The following ACMSD variants were observed in gnomAD, a reference collection of about 807,000 sequenced individuals.
ACMSD encodes the protein 2-amino-3-carboxymuconate-6-semialdehyde decarboxylase.
Under a neutral mutation model 45.9 loss-of-function variants are expected in ACMSD, and 37 were observed. The observed-to-expected ratio is 0.81, with a 90% CI of 0.62 to 1.06. The LOEUF is 1.06. Ranked by LOEUF, ACMSD falls within the 50% of genes least tolerant of loss-of-function variation. ACMSD has a pLI of 0.00. For synonymous variants in ACMSD, 138 were observed against 148.8 expected, an observed-to-expected ratio of 0.93 and a Z score of 0.53; for missense variants, 434 against 420.9, an observed-to-expected ratio of 1.03 and a Z score of -0.27.
At chr2:134,898,722 GA>G (rs1364858590) in intron 9 of ACMSD, among the ~76,000 whole-genome samples, 1 of 152,016 alleles carries the variant, frequency 6.6e-6, no homozygotes, top group African/African-American at 2.4e-5. Context: ...TAGATCATAG[GA>G]AAAATGTCTA....
intron 4 of ACMSD, 199 bp from the exon 5 acceptor site, chr2:134,863,196 C>A: frequency 2.0e-6 from 1 of 500,550 alleles, no homozygotes; most frequent in Non-Finnish European, 2.6e-6. Flanking sequence ...AATATACCTG[C>A]AGTTTTCTTT....
At chr2:134,854,936 T>C (rs1382755276) in intron 2 of ACMSD, among the ~76,000 whole-genome samples, 3 of 152,206 alleles carry the variant, frequency 2.0e-5, no homozygotes, top group Admixed American at 2.0e-4. Flanking sequence ...CTGTGCTCTT[T>C]GGCACTCTGC....
chr2:134,865,389 A>G (rs1688051240), intron 5 of ACMSD, among the ~76,000 whole-genome samples: 1 of 152,210 alleles, frequency 6.6e-6, no homozygotes. Flanking sequence ...TCATTTTAGC[A>G]TTCATTGGAT....
intron 8 of ACMSD, among the ~76,000 whole-genome samples, chr2:134,876,767 G>A (rs115736162): frequency 0.019 from 2,845 of 152,160 alleles, 92 homozygotes; most frequent in African/African-American, 0.065. Context: ...CTTACATACT[G>A]TACATCATTA....
chr2:134,850,656 A>G (rs936983844), intron 2 of ACMSD, among the ~76,000 whole-genome samples: 1 of 113,390 alleles, frequency 8.8e-6, no homozygotes, highest in African/African-American at 3.5e-5. Context: ...TTTTAAGAAT[A>G]ATTTATTATT....
intron 8 of ACMSD, among the ~76,000 whole-genome samples, chr2:134,880,891 C>T (rs6430554): frequency 0.58 from 88,953 of 152,098 alleles, 27,720 homozygotes; most frequent in Middle Eastern, 0.91. Context: ...ACATTTTAAA[C>T]AGTTAATTTT....
intron 5 of ACMSD, among the ~76,000 whole-genome samples, chr2:134,866,756 C>G (rs1688117940): frequency 2.0e-5 from 3 of 152,192 alleles, no homozygotes; most frequent in Admixed American, 6.5e-5. Flanking sequence ...ATATTCAATG[C>G]CTGTTGAGGA....
chr2:134,843,235 G>A (rs1447669851), intron 1 of ACMSD, among the ~76,000 whole-genome samples: 1 of 152,136 alleles, frequency 6.6e-6, no homozygotes, highest in East Asian at 1.9e-4. Flanking sequence ...GGGGTTGAGG[G>A]CACAAGCAAA....
At chr2:134,893,711 G>A (rs1224580041) in intron 8 of ACMSD, among the ~76,000 whole-genome samples, 3 of 152,146 alleles carry the variant, frequency 2.0e-5, no homozygotes, top group Non-Finnish European at 2.9e-5. Flanking sequence ...AAAAAATACT[G>A]TAACCCTGTA....
chr2:134,874,441 A>G (rs1688628482), intron 8 of ACMSD, among the ~76,000 whole-genome samples: 1 of 152,188 alleles, frequency 6.6e-6, no homozygotes, highest in Non-Finnish European at 1.5e-5. Context: ...CGCTTTTAAA[A>G]ACAATCCCCA....
intron 2 of ACMSD, among the ~76,000 whole-genome samples, chr2:134,848,259 T>C (rs1414680918): frequency 2.0e-5 from 3 of 152,232 alleles, no homozygotes; most frequent in Admixed American, 6.5e-5. Flanking sequence ...TGTGTCTTTA[T>C]AGTAGAATGA....
At chr2:134,874,167 G>A (rs1387312141) in intron 8 of ACMSD, among the ~76,000 whole-genome samples, 1 of 152,192 alleles carries the variant, frequency 6.6e-6, no homozygotes, top group African/African-American at 2.4e-5. Context: ...ACTAGTTGGT[G>A]AGCACGTGTG....
At chr2:134,881,984 G>A (rs1689065045) in intron 8 of ACMSD, among the ~76,000 whole-genome samples, 1 of 152,182 alleles carries the variant, frequency 6.6e-6, no homozygotes, top group Non-Finnish European at 1.5e-5. Flanking sequence ...CAGGCGTGGT[G>A]ACGGGCACCT....
At chr2:134,856,174 T>C (rs1167238721) in intron 2 of ACMSD, among the ~76,000 whole-genome samples, 6 of 152,248 alleles carry the variant, frequency 3.9e-5, no homozygotes, top group African/African-American at 1.4e-4. Context: ...TAAGTCACAT[T>C]AATTTTTTAA....
At chr2:134,890,510 C>A (rs1573717799) in intron 8 of ACMSD, among the ~76,000 whole-genome samples, 1 of 152,010 alleles carries the variant, frequency 6.6e-6, no homozygotes, top group East Asian at 1.9e-4. Flanking sequence ...AGCTATAAAT[C>A]ACATTATGGG....
intron 1 of ACMSD, among the ~76,000 whole-genome samples, chr2:134,839,866 G>A (rs549046354): frequency 6.6e-6 from 1 of 152,206 alleles, no homozygotes; most frequent in Non-Finnish European, 1.5e-5. Flanking sequence ...CCTCATCATA[G>A]TTTACTGAAG....
intron 8 of ACMSD, among the ~76,000 whole-genome samples, chr2:134,885,727 C>G (rs185304645): frequency 1.1e-3 from 174 of 151,930 alleles, no homozygotes; most frequent in African/African-American, 4.1e-3. Flanking sequence ...AAAATAATAT[C>G]CAGTTAAGGA....
At position 134,859,326 on chromosome 2, in the gene ACMSD, A is replaced by T. The variant is rs555448669; in HGVS notation, c.168A>T (p.Pro56=). Residue 56 remains proline, a synonymous_variant, in exon 3 of 10, where the codon CCA becomes CCT. Coordinates refer to ENST00000356140, the MANE Select transcript of ACMSD (RefSeq NM_138326.3). ...FRVVRENCWD[P]EVRIREMDQK... Reference sequence around the variant, plus strand: ...TGGTGCGAGAGAATTGCTGGGATCCAGAAGTTCGTATTAGAGAAATGGACC... The same window carrying T: ...TGGTGCGAGAGAATTGCTGGGATCCTGAAGTTCGTATTAGAGAAATGGACC... 1.1e-4 allele frequency: 184 copies of T among 1,614,170 alleles called. 2 individuals carry two copies. The South Asian group carries it at 2.0e-3, about 17-fold the overall frequency.
At chr2:134,884,705 C>T (rs976299958) in intron 8 of ACMSD, among the ~76,000 whole-genome samples, 13 of 152,106 alleles carry the variant, frequency 8.5e-5, no homozygotes, top group Non-Finnish European at 1.8e-4. Context: ...TGGTTTCATA[C>T]AGCAATGAGT....
Sources: gnomAD v4.1 joint callset for allele counts (sites outside exome capture counted in the v4.1 genomes callset) on GRCh38, gnomAD v4.1.1 for gene constraint, MANE v1.5 for transcripts, NCBI Gene and HGNC (gene_info 2026-07-23, HGNC 2026-07-21) for gene names.